MESD: variants seen among roughly 807,000 people sequenced by gnomAD.
MESD encodes the protein LRP chaperone MESD.
MESD carries 7 observed loss-of-function variants against 12.9 expected under a neutral mutation model. That is an observed-to-expected ratio of 0.54 (90% confidence interval 0.31 to 1.02). The LOEUF is 1.02. MESD is among the 50% of genes least tolerant of loss of function. The pLI, the probability that MESD is intolerant of heterozygous loss-of-function variation, is 0.05. For missense variants in MESD, 342 were observed against 296.7 expected (o/e 1.15, Z -1.12); for synonymous variants, 126 against 115.6 (o/e 1.09, Z -0.58).
chr15:80,972,864 TAC>T (rs1397367067), downstream of MESD, among the ~76,000 whole-genome samples: 4 of 151,946 alleles, frequency 2.6e-5, no homozygotes, highest in Non-Finnish European at 5.9e-5. Flanking sequence ...CTACTAAAAA[TAC>T]AAAAAATTAG....
chr15:80,978,515 C>T lies in MESD; in HGVS notation c.*704G>A, dbSNP rs184101617. On this transcript the variant is annotated 3_prime_UTR_variant, in exon 3 of 3. Coordinates refer to ENST00000261758, the MANE Select transcript of MESD (RefSeq NM_015154.3). ...TGTCACATTAAATGGAACATATAAC[C>T]CCTCGACACCAGCAGTACTCTTTCC... is the stretch of plus-strand genomic sequence containing the variant. 6.6e-6 allele frequency: 1 copy of T among 152,284 alleles called. No homozygotes were observed. The highest frequency in any genetic ancestry group is 6.5e-5 in the Admixed American group (1 of 15,302). 9.4% of individuals were successfully genotyped at this position (152,284 alleles called of 1,614,324 possible).
At chr15:80,955,471 C>T (rs1484976576) in intron 3 of MESD, among the ~76,000 whole-genome samples, 2 of 130,190 alleles carry the variant, frequency 1.5e-5, no homozygotes, top group African/African-American at 3.1e-5. Context: ...GCCTGGGCGA[C>T]GGAGAGACTC....
At chr15:80,948,539 G>A in exon 5 of MESD, 1 of 529,606 alleles carries the variant, frequency 1.9e-6, no homozygotes, top group South Asian at 2.0e-5. Context: ...TGCTGTGCAT[G>A]GCTCCCCTGT....
intron 3 of MESD, among the ~76,000 whole-genome samples, chr15:80,956,109 G>A (rs1901977833): frequency 6.6e-6 from 1 of 152,120 alleles, no homozygotes; most frequent in Admixed American, 6.5e-5. Context: ...AGGATCACTT[G>A]AGCCTGGAAG....
intron 2 of MESD, 99 bp downstream of exon 2, chr15:80,981,851 G>C: frequency 1.1e-6 from 1 of 927,536 alleles, no homozygotes; most frequent in East Asian, 2.6e-5. Flanking sequence ...GCAAAACTCT[G>C]TCTCAAAAAA....
intron 4 of MESD, chr15:80,949,944 A>G (rs1413075096): frequency 1.3e-5 from 2 of 152,204 alleles, no homozygotes; most frequent in African/African-American, 4.8e-5. Flanking sequence ...CCCTTTGCTC[A>G]CGTCTCTCTG....
rs551642917 is a variant in MESD, at chr15:80,989,527, G to C, written c.213+52C>G. 13 of 1,575,394 alleles carry C rather than the reference G, an allele frequency of 8.3e-6. No individual in the cohort carries two copies. In the East Asian group the frequency reaches 2.9e-4, roughly 35 times the overall value. ...GACAGAACAGGTAAGGGGTCATAGG[G>C]AACAGGGTCCCGCACAGAGAAGAGC... On this transcript the variant is annotated intron_variant, in intron 1 of 2. Transcript: ENST00000261758.
chr15:80,946,555 TCAC>T (rs532304045), downstream of MESD: 208 of 191,532 alleles, frequency 1.1e-3, 1 homozygote, highest in Middle Eastern at 2.3e-3. Context: ...CCTTCCTCCA[TCAC>T]CACATTTCTA....
rs1049632153 is a variant in MESD, at chr15:80,956,468, C to T, written c.*289-4172G>A. On this transcript the variant is annotated intron_variant, in intron 3 of 4. Coordinates refer to the MESD transcript ENST00000561312. ...GGTGAGAGCAAAAGAAAACAGTTCT[C>T]GGACACACAAAGGCTTAGAAAGAGT... is the stretch of plus-strand genomic sequence containing the variant. 5.3e-5 allele frequency among the ~76,000 whole-genome samples: 8 copies of T among 152,248 alleles called. No individual in the cohort carries two copies. In the South Asian group the frequency reaches 8.3e-4, roughly 16 times the overall value.
chr15:80,980,925 G>C (rs1375898032), intron 2 of MESD, among the ~76,000 whole-genome samples: 1 of 151,212 alleles, frequency 6.6e-6, no homozygotes, highest in Admixed American at 6.6e-5. Context: ...CCAGGTTCAA[G>C]CGATTCTCCT....
chr15:80,958,738 G>T (rs1567119442), intron 3 of MESD, among the ~76,000 whole-genome samples: 1 of 152,190 alleles, frequency 6.6e-6, no homozygotes, highest in Non-Finnish European at 1.5e-5. Flanking sequence ...AATCTGCAGA[G>T]GCCTTGCAAT....
intron 4 of MESD, chr15:80,948,905 T>G (rs1450241341): frequency 6.2e-7 from 1 of 1,614,000 alleles, no homozygotes; most frequent in Non-Finnish European, 8.5e-7. Context: ...ATCCCTGTGG[T>G]GAAGAAGAAG....
chr15:80,962,824 C>T (rs1902111197), intron 3 of MESD, among the ~76,000 whole-genome samples: 1 of 152,144 alleles, frequency 6.6e-6, no homozygotes, highest in African/African-American at 2.4e-5. Flanking sequence ...ATCTGAGGGA[C>T]ACATTTAAAG....
chr15:80,989,742 G>T lies in MESD; in HGVS notation c.50C>A (p.Ser17Tyr). The T allele has an allele frequency of 6.2e-7, 1 of 1,603,810 alleles. No homozygotes were observed. ...ARKAVVLLCA[S>Y]DLLLLLLLLP... is the part of the protein sequence containing the mutation. ...CAGTAGCAGCAGCAGCAGCAGGTCA[G>T]AGGCACAAAGCAGGACCACGGCCTT... The change falls in exon 1 of 3, where the codon TCT (serine) becomes TAT (tyrosine). Residue 17 changes from serine (S) to tyrosine (Y), a missense_variant. Transcript: ENST00000261758.
At chr15:80,970,012 A>G (rs1216583279) in intron 3 of MESD, among the ~76,000 whole-genome samples, 1 of 152,246 alleles carries the variant, frequency 6.6e-6, no homozygotes, top group South Asian at 2.1e-4. Flanking sequence ...AAGTAAATTA[A>G]TATTACTAGA....
chr15:80,982,754 G>A (rs1329622842), intron 1 of MESD, among the ~76,000 whole-genome samples: 1 of 152,140 alleles, frequency 6.6e-6, no homozygotes, highest in African/African-American at 2.4e-5. Flanking sequence ...CATTTTGACA[G>A]GGGTGTAGAT....
intron 2 of MESD, 78 bp from the exon 3 acceptor site, chr15:80,979,555 TATC>T (rs1902518301): frequency 1.3e-6 from 2 of 1,483,922 alleles, no homozygotes; most frequent in African/African-American, 2.8e-5. Context: ...CTCTGGCACT[TATC>T]AGTTTATTTC....
chr15:80,979,028 ATC>A lies in MESD; in HGVS notation c.*189_*190del. 1.5e-6 allele frequency: 1 copy of A among 676,220 alleles called. No individual in the cohort carries two copies. Among genetic ancestry groups the A allele is most frequent in the Non-Finnish European group, 2.4e-6 (1 of 408,508 alleles). The allele number at this position is 676,220 out of a possible 1,614,324, so 41.9% of individuals were successfully genotyped here. A position where few individuals can be genotyped will look rare whatever the true frequency, so the allele number is the denominator to read the frequency against. ...CAGTGTCCAGTATTAATTAGAAAAC[ATC>A]TGTCTTCTTACTTGAAGCCTATTAA... On this transcript the variant is annotated 3_prime_UTR_variant, in exon 3 of 3. Transcript: ENST00000261758.
chr15:80,982,209 A>C (rs751879507), intron 1 of MESD, 27 bp from the exon 2 acceptor site: 13 of 1,589,736 alleles, frequency 8.2e-6, no homozygotes, highest in Non-Finnish European at 8.6e-7. Flanking sequence ...AAAGCATCAA[A>C]CCTATCATCA....
Sources: allele counts gnomAD v4.1 joint callset (sites outside exome capture counted in the v4.1 genomes callset), GRCh38; gene constraint gnomAD v4.1.1; transcripts MANE v1.5; gene names NCBI Gene and HGNC (gene_info 2026-07-23, HGNC 2026-07-21).